MIGA2: variants seen among roughly 807,000 people sequenced by gnomAD.
MIGA2 encodes the protein family with sequence similarity 73, member B.
Under a neutral mutation model 69.9 loss-of-function variants are expected in MIGA2, and 36 were observed. The observed-to-expected ratio is 0.52, with a 90% confidence interval of 0.39 to 0.68. MIGA2 has a LOEUF of 0.68. Ranked by LOEUF, MIGA2 falls within the 30% of genes least tolerant of loss-of-function variation. MIGA2 has a pLI of 0.00. For missense variants in MIGA2, 660 were observed against 787.7 expected (o/e 0.84, Z 1.94); for synonymous variants, 333 against 349.2 (o/e 0.95, Z 0.52).
rs1845441764 is a variant in MIGA2, at chr9:129,050,095, T to G, written c.675+132T>G. 33 of 1,252,412 alleles carry G rather than the reference T, an allele frequency of 2.6e-5. No homozygotes were observed. In the Admixed American group the frequency reaches 8.4e-4, roughly 32 times the overall value. The allele number at this position is 1,252,412 out of a possible 1,614,324, so 77.6% of individuals were successfully genotyped here. On this transcript the variant is annotated intron_variant, in intron 6 of 15. Coordinates refer to ENST00000684074, the MANE Select transcript of MIGA2 (RefSeq NM_001329990.2). ...CTGATTTCCCTCTATGAGGGTGTCTTGATGTGAAACAAAACAATTCATGTC... is the reference window on the plus strand; with the variant it reads ...CTGATTTCCCTCTATGAGGGTGTCTGGATGTGAAACAAAACAATTCATGTC...
chr9:129,043,531 C>T (rs1845038542), intron 3 of MIGA2, among the ~76,000 whole-genome samples: 1 of 151,742 alleles, frequency 6.6e-6, no homozygotes, highest in Non-Finnish European at 1.5e-5. Context: ...GGACTACAGG[C>T]ACGTGCCACC....
In MIGA2 at chr9:129,059,231, C is replaced by T. The variant is rs142915961; in HGVS notation, c.753C>T (p.Phe251=). 301 of 1,601,872 alleles carry T rather than the reference C, an allele frequency of 1.9e-4. No individual in the cohort carries two copies. In the South Asian group the frequency reaches 2.0e-3, roughly 10 times the overall value. The change falls in exon 7 of 16, where the codon TTC becomes TTT. Residue 251 remains phenylalanine, a synonymous_variant. Transcript: ENST00000684074. This position sits in a 1 kb window ranked among gnomAD's most constrained non-coding sequence, Gnocchi z 5.6. ...GTGCCTACCACCTGCAGGAGGAGTT[C>T]GGCTCCACCTTCCCCGCAGACAGCA... ...LHRAYHLQEE[F]GSTFPADSML... is the part of the protein sequence containing the mutation.
intron 6 of MIGA2, among the ~76,000 whole-genome samples, chr9:129,051,926 C>CG (rs1387157197): frequency 1.8e-4 from 28 of 151,734 alleles, no homozygotes; most frequent in Admixed American, 1.6e-3. Flanking sequence ...CCTGGGTTCA[C>CG]GCCACTCTCC....
chr9:129,050,201 C>T (rs779311253), intron 6 of MIGA2, among the ~76,000 whole-genome samples: 3 of 152,210 alleles, frequency 2.0e-5, no homozygotes, highest in Non-Finnish European at 2.9e-5. Context: ...TGAAGGGCAA[C>T]GTGTGGTCCT....
At chr9:129,044,656 G>A (rs1046375377) in intron 3 of MIGA2, among the ~76,000 whole-genome samples, 1 of 151,474 alleles carries the variant, frequency 6.6e-6, no homozygotes, top group African/African-American at 2.4e-5. Flanking sequence ...GGGTTTAAGC[G>A]ATTCTCCTGC....
intron 11 of MIGA2, among the ~76,000 whole-genome samples, chr9:129,065,485 G>A (rs1846293892): frequency 6.6e-6 from 1 of 151,896 alleles, no homozygotes; most frequent in Admixed American, 6.6e-5. Flanking sequence ...AAGTAGCTGG[G>A]ATTACAGGTG....
chr9:129,056,565 C>T (rs948371452), intron 6 of MIGA2, among the ~76,000 whole-genome samples: 1 of 151,198 alleles, frequency 6.6e-6, no homozygotes, highest in Non-Finnish European at 1.5e-5. Context: ...GTTGCCCAGG[C>T]TGAAGTGCAG....
chr9:129,046,459 GTT>G (rs796633939), intron 3 of MIGA2, among the ~76,000 whole-genome samples: 9 of 139,298 alleles, frequency 6.5e-5, no homozygotes, highest in Admixed American at 7.2e-5. Flanking sequence ...CCCTGTCTCT[GTT>G]TTTTTTTTTT....
intron 6 of MIGA2, 57 bp downstream of exon 6, chr9:129,050,020 A>G: frequency 6.4e-7 from 1 of 1,561,434 alleles, no homozygotes; most frequent in Non-Finnish European, 8.7e-7. Context: ...AGCACAGGAG[A>G]GGGGCGGCCA....
rs1186203436 is a variant in MIGA2, at chr9:129,059,068, T to TC, written c.676-82dup. The TC allele has an allele frequency of 4.2e-5, 51 of 1,213,538 alleles. No individual in the cohort carries two copies. The highest frequency in any genetic ancestry group is 2.8e-4 in the South Asian group (22 of 78,756). 75.2% of individuals were successfully genotyped at this position (1,213,538 alleles called of 1,614,324 possible). A position where few individuals can be genotyped will look rare whatever the true frequency, so the allele number is the denominator to read the frequency against. On this transcript the variant is annotated intron_variant, in intron 6 of 15. Coordinates refer to ENST00000684074, the MANE Select transcript of MIGA2 (RefSeq NM_001329990.2). This position sits in a 1 kb window ranked among gnomAD's most constrained non-coding sequence, Gnocchi z 5.6. ...GCTGGGTCCTAGAGCTCCTCCCCTTTCCCCAGGGACCTGGGGGTGAGGGAA... is the reference window on the plus strand; with the variant it reads ...GCTGGGTCCTAGAGCTCCTCCCCTTTCCCCCAGGGACCTGGGGGTGAGGGAA...
At position 129,059,009 on chromosome 9, in the gene MIGA2, G is replaced by C; in HGVS notation, c.676-145G>C. 3.1e-6 allele frequency: 2 copies of C among 653,350 alleles called. No homozygotes were observed. The highest frequency in any genetic ancestry group is 5.4e-6 in the Non-Finnish European group (2 of 372,270). 40.5% of individuals were successfully genotyped at this position (653,350 alleles called of 1,614,324 possible). On this transcript the variant is annotated intron_variant, in intron 6 of 15. Transcript: ENST00000684074. The surrounding 1 kb of genome is among the most constrained non-coding windows in gnomAD (Gnocchi z 5.6). ...AGAAGTGGCTGGTGGCTCCTCTATC[G>C]AGCAGTGAAGTTTTGGAGTTTATGT...
At position 129,049,373 on chromosome 9, in the gene MIGA2, G is replaced by T. The variant is rs1246059554; in HGVS notation, c.421-8G>T. On this transcript the variant is annotated splice_region_variant and splice_polypyrimidine_tract_variant and intron_variant, in intron 4 of 15. Transcript: ENST00000684074. ...TCACTCTTTCTTCTTGCACTGATTGGCGCCCAGATGATGGCAGTGAACTCA... is the reference window on the plus strand; with the variant it reads ...TCACTCTTTCTTCTTGCACTGATTGTCGCCCAGATGATGGCAGTGAACTCA... 1 of 1,612,676 alleles carries T rather than the reference G, an allele frequency of 6.2e-7. No homozygotes were observed. The highest frequency in any genetic ancestry group is 2.2e-5 in the East Asian group (1 of 44,846).
Position 129,059,042 on chromosome 9 carries a change from T to G in MIGA2, c.676-112T>G. ...AAGTTTTGGAGTTTATGTGCTTAGC[T>G]GCTGGGTCCTAGAGCTCCTCCCCTT... On this transcript the variant is annotated intron_variant, in intron 6 of 15. Coordinates refer to ENST00000684074, the MANE Select transcript of MIGA2 (RefSeq NM_001329990.2). This position sits in a 1 kb window ranked among gnomAD's most constrained non-coding sequence, Gnocchi z 5.6. 1.2e-6 allele frequency: 1 copy of G among 857,934 alleles called. No homozygotes were observed. The highest frequency in any genetic ancestry group is 1.9e-6 in the Non-Finnish European group (1 of 534,914). 53.1% of individuals were successfully genotyped at this position (857,934 alleles called of 1,614,324 possible).
At chr9:129,040,742 A>T (rs1304895889) in intron 2 of MIGA2, 52 bp downstream of exon 2, 1 of 1,525,780 alleles carries the variant, frequency 6.6e-7, no homozygotes, top group Non-Finnish European at 9.0e-7. Context: ...TTCCATGCTC[A>T]GCCAAGGGCT....
Position 129,068,842 on chromosome 9 carries a change from G to A in MIGA2, c.1405-234G>A, listed in dbSNP as rs1344096899. On this transcript the variant is annotated intron_variant, in intron 13 of 15. Transcript: ENST00000684074. This position sits in a 1 kb window ranked among gnomAD's most constrained non-coding sequence, Gnocchi z 4.1. ...CTGTGTTGTGCCCCTTTACAGAAGA[G>A]GAGACCGAGGCTCAGAGAAGATCCA... The A allele has an allele frequency of 1.7e-6, 1 of 576,780 alleles. No homozygotes were observed. Among genetic ancestry groups the A allele is most frequent in the Non-Finnish European group, 3.1e-6 (1 of 320,128 alleles). 35.7% of individuals were successfully genotyped at this position (576,780 alleles called of 1,614,324 possible).
chr9:129,042,466 G>C lies in MIGA2; in HGVS notation c.259G>C (p.Val87Leu), dbSNP rs751264954. The C allele has an allele frequency of 1.2e-6, 2 of 1,604,602 alleles. No homozygotes were observed. Among genetic ancestry groups the C allele is most frequent in the Non-Finnish European group, 1.7e-6 (2 of 1,176,258 alleles). Residue 87 changes from valine (V) to leucine (L), a missense_variant, in exon 3 of 16, where the codon GTG (valine) becomes CTG (leucine). Val to Leu is a conservative substitution (Grantham distance 32). Around this residue, in one of 3 missense-constraint regions of MIGA2, gnomAD observed 386 missense variants for 402.0 expected, o/e 0.96. Coordinates refer to ENST00000684074, the MANE Select transcript of MIGA2 (RefSeq NM_001329990.2). ...GATGGGAGGGGAGCAGCTGGGCACG[G>C]TGCCCCTCCCTATCCTCTTGGCCAG... ...PEMGGEQLGTVPLPILLARKV... is the reference protein window; with the variant it reads ...PEMGGEQLGTLPLPILLARKV...
Position 129,042,518 on chromosome 9 carries a change from G to T in MIGA2, c.307+4G>T. 6.4e-7 allele frequency: 1 copy of T among 1,551,874 alleles called. No homozygotes were observed. On this transcript the variant is annotated splice_donor_region_variant and intron_variant, in intron 3 of 15. Transcript: ENST00000684074. Reference sequence around the variant, plus strand: ...AAGGTCCCTTCAGTGAAGAAAGGTAGGTGTGAGGTGGTGGGCATAGGCCTG... The same window carrying T: ...AAGGTCCCTTCAGTGAAGAAAGGTATGTGTGAGGTGGTGGGCATAGGCCTG...
Position 129,042,076 on chromosome 9 carries a change from C to T in MIGA2, c.97-228C>T, listed in dbSNP as rs780913414. On this transcript the variant is annotated intron_variant, in intron 2 of 15. Transcript: ENST00000684074. ...ACTGAGGGTGCTGGCCCCTAGACCT[C>T]ACCTTCTCGGCACTGGCATCTTGCC... 43 of 570,572 alleles carry T rather than the reference C, an allele frequency of 7.5e-5. 1 individual carries two copies. Among genetic ancestry groups the T allele is most frequent in the South Asian group, 2.7e-4 (13 of 48,428 alleles). 35.3% of individuals were successfully genotyped at this position (570,572 alleles called of 1,614,324 possible). A position where few individuals can be genotyped will look rare whatever the true frequency, so the allele number is the denominator to read the frequency against.
At chr9:129,038,789 C>CTTTTTTTTTTTTTTTTTTT (rs869238538) in intron 1 of MIGA2, among the ~76,000 whole-genome samples, 13 of 89,074 alleles carry the variant, frequency 1.5e-4, no homozygotes, top group Non-Finnish European at 2.2e-4. Context: ...TTTTGTTTGT[C>CTTTTTTTTTTTTTTTTTTT]TTTTTTTTTT....
Sources: allele counts gnomAD v4.1 joint callset (sites outside exome capture counted in the v4.1 genomes callset), GRCh38; gene constraint gnomAD v4.1.1; regional missense constraint gnomAD v4.1.1; non-coding constraint Gnocchi (gnomAD v3.1); transcripts MANE v1.5; gene names NCBI Gene and HGNC (gene_info 2026-07-23, HGNC 2026-07-21).